The following ARHGAP6 variants were observed in gnomAD, a reference collection of about 807,000 sequenced individuals.
ARHGAP6 encodes the protein rho GTPase-activating protein 6.
ARHGAP6 carries 16 observed loss-of-function variants against 55.7 expected under a neutral mutation model. The observed-to-expected ratio is 0.29, with a 90% confidence interval of 0.19 to 0.44. The LOEUF (loss-of-function observed/expected upper bound fraction) is 0.44, where lower values mean the gene tolerates loss of function less well. Ranked by LOEUF, ARHGAP6 falls within the 20% of genes least tolerant of loss-of-function variation. The pLI is 1.00. For missense variants in ARHGAP6, 698 were observed against 808.9 expected (o/e 0.86, Z 1.66); for synonymous variants, 382 against 360.9 (o/e 1.06, Z -0.66).
At chrX:11,423,842 C>T (rs191269198) in intron 1 of ARHGAP6, among the ~76,000 whole-genome samples, 7 of 112,004 alleles carry the variant, frequency 6.2e-5, no homozygotes, top group Non-Finnish European at 1.1e-4. Context: ...CTCTGCCCCA[C>T]TTGAGGGTAA....
At chrX:11,548,039 A>G (rs2051228593) in intron 1 of ARHGAP6, among the ~76,000 whole-genome samples, 1 of 111,730 alleles carries the variant, frequency 9.0e-6, no homozygotes, top group Non-Finnish European at 1.9e-5. Context: ...CTGTAAAAAA[A>G]AAAATACTGA....
At position 11,606,992 on chromosome X, in the gene ARHGAP6, C is replaced by A. The variant is rs766888671; in HGVS notation, c.588+57249G>T. On this transcript the variant is annotated intron_variant, in intron 1 of 12. Transcript: ENST00000337414. ...ATTTCTCATAACAAGATGCTCAAAT[C>A]CTTCTGCCTCAGTCAGTATTAATTT... Among the ~76,000 whole-genome samples, 5 of 111,923 alleles carry A rather than the reference C, an allele frequency of 4.5e-5. No homozygotes were observed. The East Asian group carries it at 1.4e-3, about 32-fold the overall frequency.
In ARHGAP6 at chrX:11,477,800, C is replaced by G. The variant is rs1480296992; in HGVS notation, c.588+186441G>C. On this transcript the variant is annotated intron_variant, in intron 1 of 12. Coordinates refer to ENST00000337414, the MANE Select transcript of ARHGAP6 (RefSeq NM_013427.3). ...GCTAAGAAATTCTAGACAAACAAAA[C>G]TAATCTGTAGGGTCAGAAAATAGAT... 3.6e-5 allele frequency among the ~76,000 whole-genome samples: 4 copies of G among 111,752 alleles called. No individual in the cohort carries two copies. In the East Asian group the frequency reaches 1.1e-3, roughly 31 times the overall value.
chrX:11,653,507 T>C, intron 1 of ARHGAP6, among the ~76,000 whole-genome samples: 1 of 112,907 alleles, frequency 8.9e-6, no homozygotes. Flanking sequence ...TATTTTTGAC[T>C]AAAGTAATTC....
intron 1 of ARHGAP6, among the ~76,000 whole-genome samples, chrX:11,291,823 T>C (rs2047998842): frequency 8.9e-6 from 1 of 112,178 alleles, no homozygotes; most frequent in Non-Finnish European, 1.9e-5. Flanking sequence ...GCATACATTT[T>C]ACCTGTTATA....
chrX:11,645,864 C>T (rs184582879), intron 1 of ARHGAP6, among the ~76,000 whole-genome samples: 4 of 111,617 alleles, frequency 3.6e-5, no homozygotes, highest in South Asian at 3.8e-4. Flanking sequence ...GACTTCATAA[C>T]GAAATTAAAT....
intron 1 of ARHGAP6, among the ~76,000 whole-genome samples, chrX:11,400,494 G>GC (rs1428572938): frequency 6.6e-5 from 7 of 105,324 alleles, no homozygotes; most frequent in South Asian, 4.5e-4. Context: ...CAATGAACGT[G>GC]CCCCCCCGCA....
At chrX:11,224,813 C>T (rs1269455212) in intron 2 of ARHGAP6, among the ~76,000 whole-genome samples, 1 of 110,610 alleles carries the variant, frequency 9.0e-6, no homozygotes, top group Non-Finnish European at 1.9e-5. Context: ...AAGTGAGTGA[C>T]CTACAGTGAC....
chrX:11,284,909 A>G (rs1827128508), intron 1 of ARHGAP6, among the ~76,000 whole-genome samples: 1 of 111,848 alleles, frequency 8.9e-6, no homozygotes. Context: ...CAAATATTAT[A>G]AAATGTACCC....
chrX:11,486,584 A>G (rs1330317637), intron 1 of ARHGAP6, among the ~76,000 whole-genome samples: 1 of 112,272 alleles, frequency 8.9e-6, no homozygotes, highest in African/African-American at 3.2e-5. Context: ...TTTCCTGAAC[A>G]ATTCAATCCA....
At chrX:11,354,186 C>A (rs1355882078) in intron 1 of ARHGAP6, among the ~76,000 whole-genome samples, 2 of 107,345 alleles carry the variant, frequency 1.9e-5, no homozygotes, top group Non-Finnish European at 3.8e-5. Context: ...GTGAGCAACA[C>A]CTAGCCTACA....
intron 9 of ARHGAP6, among the ~76,000 whole-genome samples, chrX:11,163,675 C>T (rs965107937): frequency 2.7e-5 from 3 of 112,533 alleles, no homozygotes; most frequent in Admixed American, 9.4e-5. Flanking sequence ...GAACCTTTGG[C>T]GTGGCTCTGT....
chrX:11,460,422 T>C (rs752727583), intron 1 of ARHGAP6, among the ~76,000 whole-genome samples: 47 of 111,837 alleles, frequency 4.2e-4, no homozygotes, highest in Non-Finnish European at 8.3e-4. Context: ...CTTAGGGTCA[T>C]AGGACCCTTG....
At chrX:11,158,577 C>A (rs2045896734) in intron 9 of ARHGAP6, among the ~76,000 whole-genome samples, 1 of 112,451 alleles carries the variant, frequency 8.9e-6, no homozygotes, top group Non-Finnish European at 1.9e-5. Flanking sequence ...CAGCACATTT[C>A]TTCTCTATGT....
chrX:11,399,445 G>A (rs1330525588), intron 1 of ARHGAP6, among the ~76,000 whole-genome samples: 1 of 110,440 alleles, frequency 9.1e-6, no homozygotes, highest in Non-Finnish European at 1.9e-5. Flanking sequence ...TAATTTGGGA[G>A]GTGAGACTAA....
chrX:11,201,682 A>T (rs2147370406), intron 2 of ARHGAP6, among the ~76,000 whole-genome samples: 1 of 112,116 alleles, frequency 8.9e-6, no homozygotes, highest in East Asian at 2.8e-4. Flanking sequence ...GGAAGCAAAC[A>T]CTACCTTCTT....
rs149457463 is a variant in ARHGAP6, at chrX:11,588,549, A to C, written c.588+75692T>G. ...CCATCACCTGAAAAATGAATAAACA[A>C]AATGTGATCTATCCATACAATAAAT... is the stretch of plus-strand genomic sequence containing the variant. On this transcript the variant is annotated intron_variant, in intron 1 of 12. Coordinates refer to ENST00000337414, the MANE Select transcript of ARHGAP6 (RefSeq NM_013427.3). 7.4e-3 allele frequency among the ~76,000 whole-genome samples: 834 copies of C among 112,526 alleles called. 1 individual carries two copies. Among genetic ancestry groups the C allele is most frequent in the Middle Eastern group, 0.028 (6 of 217 alleles).
At chrX:11,489,723 G>A (rs2050547615) in intron 1 of ARHGAP6, among the ~76,000 whole-genome samples, 1 of 111,846 alleles carries the variant, frequency 8.9e-6, no homozygotes, top group East Asian at 2.8e-4. Flanking sequence ...ACTGAAATGA[G>A]TAGAAAAGCC....
intron 1 of ARHGAP6, among the ~76,000 whole-genome samples, chrX:11,302,026 A>G (rs1192759252): frequency 8.9e-6 from 1 of 112,483 alleles, no homozygotes; most frequent in East Asian, 2.8e-4. Flanking sequence ...GAATGTTTCA[A>G]ACCAGAGACA....
Sources: allele counts gnomAD v4.1 joint callset (sites outside exome capture counted in the v4.1 genomes callset), GRCh38; gene constraint gnomAD v4.1.1; transcripts MANE v1.5; gene names NCBI Gene and HGNC (gene_info 2026-07-23, HGNC 2026-07-21).